The following SLC35F1 variants were observed in gnomAD, a reference collection of about 807,000 sequenced individuals.
SLC35F1 encodes the protein solute carrier family 35 member F1, also known as chromosome 6 open reading frame 169.
Under a neutral mutation model 48.7 loss-of-function variants are expected in SLC35F1, and 14 were observed. The observed-to-expected ratio is 0.29, with a 90% CI of 0.19 to 0.45. The LOEUF (loss-of-function observed/expected upper bound fraction) is 0.45, where lower values mean the gene tolerates loss of function less well. Ranked by LOEUF, SLC35F1 falls within the 20% of genes least tolerant of loss-of-function variation. The pLI, the probability that SLC35F1 is intolerant of heterozygous loss-of-function variation, is 1.00. For missense variants in SLC35F1, 404 were observed against 500.0 expected, an observed-to-expected ratio of 0.81 and a Z score of 1.83; for synonymous variants, 190 against 202.2, an observed-to-expected ratio of 0.94 and a Z score of 0.51.
intron 1 of SLC35F1, among the ~76,000 whole-genome samples, chr6:118,094,836 G>T (rs1384794945): frequency 6.6e-6 from 1 of 151,922 alleles, no homozygotes; most frequent in Non-Finnish European, 1.5e-5. Flanking sequence ...GGCATGGTGA[G>T]GCACTCCTGT....
At chr6:118,166,111 T>C (rs112453780) in intron 2 of SLC35F1, among the ~76,000 whole-genome samples, 2,674 of 151,602 alleles carry the variant, frequency 0.018, 82 homozygotes, top group African/African-American at 0.061. Context: ...TATTTCAGAG[T>C]TGGAAAATAA....
intron 7 of SLC35F1, among the ~76,000 whole-genome samples, chr6:118,301,471 G>C (rs1776254165): frequency 6.6e-6 from 1 of 152,090 alleles, no homozygotes; most frequent in African/African-American, 2.4e-5. Context: ...CATCATAACT[G>C]TATGCAGTGT....
chr6:118,269,009 A>G (rs544343934), intron 4 of SLC35F1, among the ~76,000 whole-genome samples: 2 of 152,266 alleles, frequency 1.3e-5, no homozygotes, highest in South Asian at 4.1e-4. Flanking sequence ...CTCTATCTTC[A>G]TGAACCCCAG....
At chr6:118,239,943 A>C (rs931447786) in intron 3 of SLC35F1, among the ~76,000 whole-genome samples, 2 of 152,216 alleles carry the variant, frequency 1.3e-5, no homozygotes, top group African/African-American at 4.8e-5. Flanking sequence ...AGCCATGTTT[A>C]TAGTGCTGTT....
At chr6:117,938,974 A>G (rs925200864) in intron 1 of SLC35F1, among the ~76,000 whole-genome samples, 1 of 145,752 alleles carries the variant, frequency 6.9e-6, no homozygotes, top group African/African-American at 2.5e-5. Context: ...CCGAAGTTCT[A>G]CCAGATATGC....
intron 2 of SLC35F1, among the ~76,000 whole-genome samples, chr6:118,189,247 C>T (rs1472577328): frequency 6.6e-6 from 1 of 152,148 alleles, no homozygotes; most frequent in Non-Finnish European, 1.5e-5. Context: ...CAAAGATTCC[C>T]TCTTCTCTAG....
intron 2 of SLC35F1, among the ~76,000 whole-genome samples, chr6:118,205,024 T>G (rs1271494221): frequency 6.6e-6 from 1 of 152,202 alleles, no homozygotes; most frequent in Non-Finnish European, 1.5e-5. Context: ...CTTTCACCTC[T>G]ACTTCTTTTG....
At chr6:118,265,992 T>C (rs567615380) in intron 3 of SLC35F1, among the ~76,000 whole-genome samples, 40 of 152,328 alleles carry the variant, frequency 2.6e-4, no homozygotes, top group Non-Finnish European at 5.6e-4. Flanking sequence ...AAGAGTGTGT[T>C]TGAAAGCAGA....
rs1773287311 is a variant in SLC35F1, at chr6:118,103,445, GA to G, written c.174-50998del. On this transcript the variant is annotated intron_variant, in intron 1 of 7. Transcript: ENST00000360388. ...TCCTGCCCTGATGTCTGCCTGAGAA[GA>G]AGGCTGATTCTGTCTGTTTGTGGAG... is the stretch of plus-strand genomic sequence containing the variant. Among the ~76,000 whole-genome samples the G allele has an allele frequency of 2.6e-5, 4 of 152,334 alleles. No homozygotes were observed. In the South Asian group the frequency reaches 8.3e-4, roughly 32 times the overall value.
chr6:118,168,197 T>G (rs1337598301), intron 2 of SLC35F1, among the ~76,000 whole-genome samples: 1 of 152,132 alleles, frequency 6.6e-6, no homozygotes, highest in Non-Finnish European at 1.5e-5. Context: ...ATCATCCACT[T>G]CCTTTATTTA....
intron 3 of SLC35F1, among the ~76,000 whole-genome samples, chr6:118,250,010 A>G (rs554507840): frequency 6.6e-6 from 1 of 152,216 alleles, no homozygotes; most frequent in Non-Finnish European, 1.5e-5. Context: ...ACTCGATGAC[A>G]GTGGAGCTCC....
intron 1 of SLC35F1, among the ~76,000 whole-genome samples, chr6:117,996,875 C>T (rs1425198160): frequency 1.3e-5 from 2 of 152,198 alleles, no homozygotes; most frequent in Non-Finnish European, 2.9e-5. Context: ...GCCTCTCCTC[C>T]TCCAAAGGAA....
chr6:118,050,573 A>T (rs1472326752), intron 1 of SLC35F1, among the ~76,000 whole-genome samples: 1 of 152,044 alleles, frequency 6.6e-6, no homozygotes, highest in African/African-American at 2.4e-5. Context: ...AGGCAAAGCA[A>T]AAAGGAGAGA....
chr6:118,100,129 G>C (rs1773235349), intron 1 of SLC35F1, among the ~76,000 whole-genome samples: 2 of 152,010 alleles, frequency 1.3e-5, no homozygotes, highest in Admixed American at 1.3e-4. Context: ...ACTTGCTCTA[G>C]GTCACATGAG....
At chr6:118,051,071 A>C (rs1425147724) in intron 1 of SLC35F1, among the ~76,000 whole-genome samples, 1 of 152,204 alleles carries the variant, frequency 6.6e-6, no homozygotes, top group Non-Finnish European at 1.5e-5. Flanking sequence ...TATGTTAAGA[A>C]TTTGTGCATC....
chr6:118,082,431 G>T (rs1772924940), intron 1 of SLC35F1, among the ~76,000 whole-genome samples: 1 of 152,186 alleles, frequency 6.6e-6, no homozygotes, highest in Non-Finnish European at 1.5e-5. Context: ...CAGGCCTGGA[G>T]TTTATCACTG....
chr6:117,941,492 T>C (rs1252857632), intron 1 of SLC35F1, among the ~76,000 whole-genome samples: 5 of 152,148 alleles, frequency 3.3e-5, no homozygotes, highest in African/African-American at 1.2e-4. Flanking sequence ...GCAAAACCAA[T>C]AGCAAATACT....
rs55750771 is a variant in SLC35F1, at chr6:118,216,465, C to CAA, written c.350-19033_350-19032dup. Among the ~76,000 whole-genome samples, 754 of 138,990 alleles carry CAA rather than the reference C, an allele frequency of 5.4e-3. 1 individual carries two copies. The highest frequency in any genetic ancestry group is 6.8e-3 in the Non-Finnish European group (441 of 64,810). 91.2% of individuals were successfully genotyped at this position (138,990 alleles called of 152,430 possible). ...TCCCTTCTTCCCCCTACCCCCACTT[C>CAA]AAAAAAAAAAAAGAAAAGAAAAGAA... On this transcript the variant is annotated intron_variant, in intron 2 of 7. Coordinates refer to ENST00000360388, the MANE Select transcript of SLC35F1 (RefSeq NM_001029858.4).
intron 7 of SLC35F1, among the ~76,000 whole-genome samples, chr6:118,310,618 A>G (rs1776362141): frequency 6.6e-6 from 1 of 152,042 alleles, no homozygotes; most frequent in Admixed American, 6.6e-5. Context: ...TTGGACTTGT[A>G]TTTAAAATGA....
Sources: allele counts gnomAD v4.1 joint callset (sites outside exome capture counted in the v4.1 genomes callset), GRCh38; gene constraint gnomAD v4.1.1; transcripts MANE v1.5; gene names NCBI Gene and HGNC (gene_info 2026-07-23, HGNC 2026-07-21).